The following CEP57L1 variants were observed in gnomAD, a reference collection of about 807,000 sequenced individuals.
The protein encoded by CEP57L1 is centrosomal protein 57 like 1.
A neutral mutation model predicts 61.0 loss-of-function variants in CEP57L1; 37 were observed. The ratio of observed to expected loss-of-function variants is 0.61; its 90% confidence interval spans 0.47 to 0.80. CEP57L1 has a LOEUF of 0.80. CEP57L1 is among the 30% of genes least tolerant of loss of function. CEP57L1 has a pLI of 0.00. For synonymous variants in CEP57L1, 137 were observed against 162.3 expected (o/e 0.84, Z 1.19); for missense variants, 422 against 524.7 (o/e 0.80, Z 1.91).
intron 1 of CEP57L1, among the ~76,000 whole-genome samples, chr6:109,101,727 C>G (rs1380440149): frequency 1.3e-5 from 2 of 151,532 alleles, no homozygotes; most frequent in South Asian, 4.2e-4. Context: ...TCACGCCATT[C>G]TCCTGCCTCA....
At chr6:109,138,953 TTTTTC>T (rs893693212) in intron 1 of CEP57L1, among the ~76,000 whole-genome samples, 19 of 152,318 alleles carry the variant, frequency 1.2e-4, no homozygotes, top group African/African-American at 4.6e-4. Context: ...CATGTGATTT[TTTTTC>T]TTTTCTTATG....
intron 5 of CEP57L1, 23 bp from the exon 6 acceptor site, chr6:109,155,207 T>G (rs775790785): frequency 2.8e-6 from 4 of 1,415,586 alleles, no homozygotes; most frequent in Middle Eastern, 1.8e-4. Flanking sequence ...TATGTAACAA[T>G]CTTAGTTTTT....
intron 1 of CEP57L1, among the ~76,000 whole-genome samples, chr6:109,106,625 C>CTT (rs1770964716): frequency 6.6e-6 from 1 of 152,016 alleles, no homozygotes; most frequent in Non-Finnish European, 1.5e-5. Context: ...AGGACTTTGG[C>CTT]TTTTTTAAAA....
chr6:109,104,014 A>C (rs1277178138), intron 1 of CEP57L1, among the ~76,000 whole-genome samples: 3 of 150,816 alleles, frequency 2.0e-5, no homozygotes, highest in African/African-American at 7.3e-5. Flanking sequence ...AAATGTTAAC[A>C]TTTTACCTAG....
chr6:109,110,250 G>C (rs1007688860), intron 1 of CEP57L1, among the ~76,000 whole-genome samples: 9 of 152,160 alleles, frequency 5.9e-5, no homozygotes, highest in Non-Finnish European at 1.2e-4. Context: ...GCATGAGATG[G>C]TATCTTATTG....
In CEP57L1 at chr6:109,133,966, C is replaced by T. The variant is rs1466977980; in HGVS notation, c.-3-11253C>T. On this transcript the variant is annotated intron_variant, in intron 1 of 10. Transcript: ENST00000517392. ...GTCGAGGACCAGATGCATTCACAGC[C>T]GAATTCTACCAGAGGTACAAGGAGG... Among the ~76,000 whole-genome samples, 7 of 152,198 alleles carry T rather than the reference C, an allele frequency of 4.6e-5. No individual in the cohort carries two copies. In the East Asian group the frequency reaches 5.8e-4, roughly 13 times the overall value.
intron 1 of CEP57L1, among the ~76,000 whole-genome samples, chr6:109,099,468 T>C (rs1782107823): frequency 6.6e-6 from 1 of 152,184 alleles, no homozygotes; most frequent in Admixed American, 6.5e-5. Flanking sequence ...ATGGAGGTCA[T>C]TGGGATCTTG....
Position 109,173,180 on chromosome 6 carries a change from A to C in CEP57L1, c.*10210A>C, listed in dbSNP as rs1020420008. On this transcript the variant is annotated 3_prime_UTR_variant, in exon 11 of 11. Coordinates refer to ENST00000517392, the MANE Select transcript of CEP57L1 (RefSeq NM_001271852.3). ...TAACCATGTATACCATTGTTTGTGT[A>C]CTTTTTAATTGTGTCATTTTCTACA... is the stretch of plus-strand genomic sequence containing the variant. Among the ~76,000 whole-genome samples, 13 of 152,096 alleles carry C rather than the reference A, an allele frequency of 8.5e-5. No homozygotes were observed. Among genetic ancestry groups the C allele is most frequent in the Non-Finnish European group, 1.8e-4 (12 of 67,998 alleles).
chr6:109,132,571 A>T (rs1041428745), intron 1 of CEP57L1, among the ~76,000 whole-genome samples: 1 of 152,182 alleles, frequency 6.6e-6, no homozygotes, highest in Non-Finnish European at 1.5e-5. Context: ...TTAATAATGT[A>T]TTTCCTGGTG....
rs879830713 is a variant in CEP57L1, at chr6:109,149,595, A to G, written c.341-523A>G. Among the ~76,000 whole-genome samples, 305 of 151,750 alleles carry G rather than the reference A, an allele frequency of 2.0e-3. 2 individuals are homozygous for G. Among genetic ancestry groups the G allele is most frequent in the Non-Finnish European group, 3.3e-3 (226 of 67,874 alleles). On this transcript the variant is annotated intron_variant, in intron 3 of 10. Transcript: ENST00000517392. ...TCTTTTGGCTTAGGATTGACTTGGC[A>G]ATGCGGGCTCTTTTTTGGTTCCATA...
chr6:109,108,722 T>C (rs182691590), intron 1 of CEP57L1, among the ~76,000 whole-genome samples: 13 of 152,348 alleles, frequency 8.5e-5, no homozygotes, highest in Non-Finnish European at 1.5e-4. Flanking sequence ...ATCTCATTTA[T>C]GAGCCCTCCT....
At chr6:109,106,579 A>G (rs1396066409) in intron 1 of CEP57L1, among the ~76,000 whole-genome samples, 1 of 152,178 alleles carries the variant, frequency 6.6e-6, no homozygotes, top group South Asian at 2.1e-4. Flanking sequence ...GTTGTACTAC[A>G]TCTATTTTAA....
intron 1 of CEP57L1, among the ~76,000 whole-genome samples, chr6:109,139,170 G>A (rs1041850435): frequency 2.6e-5 from 4 of 152,286 alleles, no homozygotes; most frequent in South Asian, 2.1e-4. Context: ...GGTAGGTAGC[G>A]TCTACAGTGT....
At chr6:109,147,981 A>G (rs1168490763) in intron 3 of CEP57L1, among the ~76,000 whole-genome samples, 4 of 152,192 alleles carry the variant, frequency 2.6e-5, no homozygotes, top group African/African-American at 9.6e-5. Flanking sequence ...GGGAGAGTCA[A>G]TACTCAGAGA....
chr6:109,173,085 A>G lies in CEP57L1; in HGVS notation c.*10115A>G, dbSNP rs896492010. On this transcript the variant is annotated 3_prime_UTR_variant, in exon 11 of 11. Coordinates refer to ENST00000517392, the MANE Select transcript of CEP57L1 (RefSeq NM_001271852.3). ...ATTATTGCCTGGTAGGAAGGAGAAC[A>G]TGTTTTTTTTGAACCTATGCAAATA... Among the ~76,000 whole-genome samples, 3 of 152,192 alleles carry G rather than the reference A, an allele frequency of 2.0e-5. No individual in the cohort carries two copies.
intron 1 of CEP57L1, among the ~76,000 whole-genome samples, chr6:109,132,989 T>A (rs1774365866): frequency 6.6e-6 from 1 of 152,192 alleles, no homozygotes; most frequent in Admixed American, 6.5e-5. Flanking sequence ...TGAGTACTAG[T>A]CCCTGGTAAA....
chr6:109,097,909 G>T (rs1301809488), intron 1 of CEP57L1, among the ~76,000 whole-genome samples: 1 of 152,228 alleles, frequency 6.6e-6, no homozygotes, highest in Non-Finnish European at 1.5e-5. Context: ...TTGGGCAGAA[G>T]CCTGAGTGCG....
At chr6:109,127,891 G>GT (rs889392366) in intron 1 of CEP57L1, among the ~76,000 whole-genome samples, 1 of 151,902 alleles carries the variant, frequency 6.6e-6, no homozygotes, top group Admixed American at 6.6e-5. Context: ...GCCTCCCAAA[G>GT]TGCTGGGATT....
At chr6:109,103,011 T>C (rs1408637138) in intron 1 of CEP57L1, among the ~76,000 whole-genome samples, 1 of 152,216 alleles carries the variant, frequency 6.6e-6, no homozygotes, top group Non-Finnish European at 1.5e-5. Context: ...TATTCTCCAA[T>C]TGAATTACCT....
Sources: allele counts gnomAD v4.1 joint callset (sites outside exome capture counted in the v4.1 genomes callset), GRCh38; gene constraint gnomAD v4.1.1; transcripts MANE v1.5; gene names NCBI Gene and HGNC (gene_info 2026-07-23, HGNC 2026-07-21).